Variants in ROBO1 observed in about 807,000 individuals in gnomAD.
ROBO1 encodes the protein roundabout homolog 1.
A neutral mutation model predicts 195.9 loss-of-function variants in ROBO1; 149 were observed. That is an observed-to-expected ratio of 0.76 (90% CI 0.67 to 0.87). ROBO1 has a LOEUF of 0.87. ROBO1 is among the 40% of genes least tolerant of loss of function. ROBO1 has a pLI of 0.00. For missense variants in ROBO1, 1,933 were observed against 2,068.3 expected (o/e 0.93, Z 1.27); for synonymous variants, 816 against 733.2 (o/e 1.11, Z -1.82).
chr3:78,805,825 T>C (rs1477088357), intron 4 of ROBO1, among the ~76,000 whole-genome samples: 2 of 152,142 alleles, frequency 1.3e-5, no homozygotes. Context: ...TCATAATACA[T>C]AGTATAGTGT....
chr3:79,666,152 TATTA>T (rs1432454929), intron 1 of ROBO1, among the ~76,000 whole-genome samples: 1 of 151,992 alleles, frequency 6.6e-6, no homozygotes, highest in Non-Finnish European at 1.5e-5. Flanking sequence ...CCTGGTATAA[TATTA>T]ATTGAGAATG....
intron 2 of ROBO1, among the ~76,000 whole-genome samples, chr3:79,227,550 T>C (rs531014797): frequency 2.6e-5 from 4 of 152,342 alleles, no homozygotes; most frequent in African/African-American, 9.6e-5. Context: ...GCTCAGTGAA[T>C]GTCGTCATTG....
At chr3:79,386,118 C>T (rs1439802844) in intron 2 of ROBO1, among the ~76,000 whole-genome samples, 1 of 152,042 alleles carries the variant, frequency 6.6e-6, no homozygotes, top group Non-Finnish European at 1.5e-5. Context: ...TAGATTTTAA[C>T]TGACTGTTTT....
intron 4 of ROBO1, among the ~76,000 whole-genome samples, chr3:78,885,927 A>ATATATATATATATG (rs2036537998): frequency 6.9e-6 from 1 of 145,494 alleles, no homozygotes; most frequent in African/African-American, 2.5e-5. Flanking sequence ...ATATATATAT[A>ATATATATATATATG]TATATATATA....
At chr3:79,714,220 T>G (rs1702387476) in intron 1 of ROBO1, among the ~76,000 whole-genome samples, 1 of 152,026 alleles carries the variant, frequency 6.6e-6, no homozygotes, top group Non-Finnish European at 1.5e-5. Context: ...AAGAAGACAT[T>G]TATGCAGCCA....
Position 79,178,181 on chromosome 3 carries a change from T to C in ROBO1, c.89-52642A>G, listed in dbSNP as rs114974140. Among the ~76,000 whole-genome samples, 690 of 152,342 alleles carry C rather than the reference T, an allele frequency of 4.5e-3. 5 individuals carry two copies. The highest frequency in any genetic ancestry group is 0.016 in the African/African-American group (647 of 41,578). ...TGCTTACTCAATAACACTGTACATG[T>C]TTTGTTCCTTTTTCAAGAGTTCCTA... On this transcript the variant is annotated intron_variant, in intron 2 of 30. Transcript: ENST00000464233.
At chr3:78,747,846 T>A (rs1215316263) in intron 4 of ROBO1, among the ~76,000 whole-genome samples, 1 of 152,194 alleles carries the variant, frequency 6.6e-6, no homozygotes, top group African/African-American at 2.4e-5. Context: ...AGTATCTTGA[T>A]AACATCAAGA....
chr3:79,498,859 A>T lies in ROBO1; in HGVS notation c.88+90965T>A, dbSNP rs1939895764. The stretch of plus-strand genomic sequence containing the variant: ...CGAAATTTCACCTTTGCCTCAGAAA[A>T]AAAGAAAAAAAAAAGATTTGTGATT... On this transcript the variant is annotated intron_variant, in intron 2 of 30. Transcript: ENST00000464233. 2.0e-5 allele frequency among the ~76,000 whole-genome samples: 3 copies of T among 152,278 alleles called. No individual in the cohort carries two copies. In the South Asian group the frequency reaches 6.2e-4, roughly 32 times the overall value.
At chr3:78,810,691 C>G (rs902827628) in intron 4 of ROBO1, among the ~76,000 whole-genome samples, 1 of 151,852 alleles carries the variant, frequency 6.6e-6, no homozygotes, top group Admixed American at 6.6e-5. Flanking sequence ...AAGTAATCAC[C>G]CTGTAAAATT....
At chr3:78,971,473 C>A (rs2076764871) in intron 3 of ROBO1, among the ~76,000 whole-genome samples, 1 of 152,072 alleles carries the variant, frequency 6.6e-6, no homozygotes, top group South Asian at 2.1e-4. Context: ...TGTTCATTCA[C>A]CAGACTATAA....
intron 5 of ROBO1, among the ~76,000 whole-genome samples, chr3:78,735,981 T>G (rs551200558): frequency 1.1e-4 from 17 of 152,232 alleles, no homozygotes; most frequent in African/African-American, 3.6e-4. Context: ...TCAACTCAGC[T>G]CCATCTCTAA....
intron 2 of ROBO1, among the ~76,000 whole-genome samples, chr3:79,361,062 A>G (rs1398366870): frequency 6.6e-6 from 1 of 152,072 alleles, no homozygotes; most frequent in Non-Finnish European, 1.5e-5. Flanking sequence ...TTTAGTCTGA[A>G]GTATTGTGGT....
chr3:79,557,508 T>G (rs1053523918), intron 2 of ROBO1, among the ~76,000 whole-genome samples: 1 of 151,246 alleles, frequency 6.6e-6, no homozygotes, highest in Non-Finnish European at 1.5e-5. Flanking sequence ...CTGAGGGGGG[T>G]GGATCACTTG....
chr3:78,949,138 T>G (rs1271302064), intron 3 of ROBO1, among the ~76,000 whole-genome samples: 1 of 136,308 alleles, frequency 7.3e-6, no homozygotes, highest in Non-Finnish European at 1.5e-5. Flanking sequence ...AATGACTTTC[T>G]TCACAGAATT....
intron 1 of ROBO1, among the ~76,000 whole-genome samples, chr3:79,660,305 A>G (rs553109197): frequency 2.0e-5 from 3 of 152,042 alleles, no homozygotes; most frequent in Non-Finnish European, 4.4e-5. Context: ...AAGGCTATAC[A>G]TTAGTGGGTG....
At chr3:79,587,365 T>A (rs1255191870) in intron 2 of ROBO1, among the ~76,000 whole-genome samples, 5 of 151,842 alleles carry the variant, frequency 3.3e-5, no homozygotes, top group Non-Finnish European at 5.9e-5. Context: ...ATAACTGGCA[T>A]TGAGCCAATG....
chr3:79,670,699 G>C (rs1386893074), intron 1 of ROBO1, among the ~76,000 whole-genome samples: 1 of 151,750 alleles, frequency 6.6e-6, no homozygotes, highest in Non-Finnish European at 1.5e-5. Context: ...AAGAAGCATA[G>C]AGCACTAAGA....
intron 8 of ROBO1, among the ~76,000 whole-genome samples, chr3:78,695,469 C>T (rs1166914570): frequency 6.6e-6 from 1 of 151,490 alleles, no homozygotes; most frequent in East Asian, 2.0e-4. Context: ...ACTAAAATTA[C>T]AAAAAGTTAC....
At chr3:79,231,034 T>A (rs536240377) in intron 2 of ROBO1, among the ~76,000 whole-genome samples, 19 of 152,272 alleles carry the variant, frequency 1.2e-4, no homozygotes, top group African/African-American at 4.6e-4. Flanking sequence ...AGACTGAAGC[T>A]GGACCCCTTC....
Sources: allele counts gnomAD v4.1 joint callset (sites outside exome capture counted in the v4.1 genomes callset), GRCh38; gene constraint gnomAD v4.1.1; transcripts MANE v1.5; gene names NCBI Gene and HGNC (gene_info 2026-07-23, HGNC 2026-07-21).